The following NME7 variants were observed in gnomAD, a reference collection of about 807,000 sequenced individuals.
NME7 encodes nucleoside diphosphate kinase 7.
A neutral mutation model predicts 49.1 loss-of-function variants in NME7; 41 were observed. The ratio of observed to expected loss-of-function variants is 0.83; its 90% confidence interval spans 0.65 to 1.08. The LOEUF (loss-of-function observed/expected upper bound fraction) is 1.08, where lower values mean the gene tolerates loss of function less well. Among genes scored for constraint, NME7 ranks in the 50% least tolerant of loss-of-function variants. The pLI is 0.00. For missense variants in NME7, 423 were observed against 463.4 expected (o/e 0.91, Z 0.80); for synonymous variants, 139 against 150.6 (o/e 0.92, Z 0.56).
intron 7 of NME7, among the ~76,000 whole-genome samples, chr1:169,261,326 G>A (rs777003255): frequency 2.2e-5 from 3 of 133,590 alleles, no homozygotes; most frequent in Non-Finnish European, 5.3e-5. Flanking sequence ...ATGAAACTGG[G>A]TTTCATTCCA....
At chr1:169,282,908 A>T (rs962878493) in intron 7 of NME7, among the ~76,000 whole-genome samples, 1 of 152,198 alleles carries the variant, frequency 6.6e-6, no homozygotes, top group African/African-American at 2.4e-5. Context: ...GGTGCTGAGA[A>T]GAATGTATAT....
rs145153236 is a variant in NME7, at chr1:169,215,247, C to A, written c.990+15471G>T. Among the ~76,000 whole-genome samples the A allele has an allele frequency of 6.5e-3, 984 of 152,248 alleles. 15 individuals are homozygous for A. Among genetic ancestry groups the A allele is most frequent in the African/African-American group, 0.022 (923 of 41,540 alleles). Reference sequence around the variant, plus strand: ...CATCTCTGAAGTCAACTCACCTCTTCTAGATATCCAGCTGCTTCTCCCCTC... The same window carrying A: ...CATCTCTGAAGTCAACTCACCTCTTATAGATATCCAGCTGCTTCTCCCCTC... On this transcript the variant is annotated intron_variant, in intron 10 of 11. Transcript: ENST00000367811.
At chr1:169,169,696 A>G (rs2101844246) in intron 10 of NME7, 142 bp from the exon 11 acceptor site, 3 of 648,736 alleles carry the variant, frequency 4.6e-6, no homozygotes, top group South Asian at 4.2e-5. Context: ...CTGTGGCCCA[A>G]TGTAAAGTCT....
intron 11 of NME7, among the ~76,000 whole-genome samples, chr1:169,163,609 T>G (rs1659310667): frequency 6.6e-6 from 1 of 152,062 alleles, no homozygotes; most frequent in African/African-American, 2.4e-5. Context: ...AGTCTAAGGA[T>G]TAGATGGTAG....
At chr1:169,232,234 T>C (rs949595567) in intron 9 of NME7, among the ~76,000 whole-genome samples, 1 of 151,936 alleles carries the variant, frequency 6.6e-6, no homozygotes. Flanking sequence ...GAGCAATAAA[T>C]TTGAAGACAT....
At chr1:169,276,051 G>A (rs1329936583) in intron 7 of NME7, among the ~76,000 whole-genome samples, 1 of 133,526 alleles carries the variant, frequency 7.5e-6, no homozygotes, top group African/African-American at 2.5e-5. Flanking sequence ...TGATCATGGT[G>A]GATAAGCTTT....
rs1252443412 is a variant in NME7 at position 169,367,753 on chromosome 1, A to C, written c.-43T>G. The C allele has an allele frequency of 1.2e-6, 2 of 1,613,282 alleles. No homozygotes were observed. The highest frequency in any genetic ancestry group is 2.7e-5 in the African/African-American group (2 of 75,054). On this transcript the variant is annotated 5_prime_UTR_variant, in exon 1 of 12. Transcript: ENST00000367811. ...ACTAGAAAATAGGTATCGTTGAGAC[A>C]GGAAGACACCACCACCACCACCATC... is the stretch of plus-strand genomic sequence containing the variant.
At chr1:169,166,307 AAAAT>A in intron 11 of NME7, among the ~76,000 whole-genome samples, 1 of 152,252 alleles carries the variant, frequency 6.6e-6, no homozygotes, top group East Asian at 1.9e-4. Flanking sequence ...TGGTTATTAA[AAAAT>A]AAAGCTTGGT....
In NME7 at chr1:169,271,531, T is replaced by A. The variant is rs188339231; in HGVS notation, c.754+15772A>T. ...ATCAGACGACTGCATTGAAAGCTCT[T>A]AAACATCTCAAGGTTTTGCAATATC... On this transcript the variant is annotated intron_variant, in intron 7 of 11. Transcript: ENST00000367811. Among the ~76,000 whole-genome samples, 103 of 133,462 alleles carry A rather than the reference T, an allele frequency of 7.7e-4. 26 individuals carry two copies. The highest frequency in any genetic ancestry group is 1.3e-3 in the Admixed American group (18 of 13,462). 87.6% of individuals were successfully genotyped at this position (133,462 alleles called of 152,430 possible).
intron 7 of NME7, among the ~76,000 whole-genome samples, chr1:169,252,474 A>T (rs922176518): frequency 3.1e-4 from 47 of 151,890 alleles, no homozygotes; most frequent in Non-Finnish European, 6.0e-4. Flanking sequence ...CTTTGTCAGA[A>T]GAGTAGGTTG....
Position 169,305,626 on chromosome 1 carries a change from G to A in NME7, c.390-2431C>T, listed in dbSNP as rs1400840. 1.1e-3 allele frequency among the ~76,000 whole-genome samples: 160 copies of A among 152,278 alleles called. 2 individuals are homozygous for A. In the East Asian group the frequency reaches 0.028, roughly 27 times the overall value. ...AAGAAACCTTGAGGGATAAGGTAAAGCCTCTCTTCAGTATAAAGAGTAGGC... is the reference window on the plus strand; with the variant it reads ...AAGAAACCTTGAGGGATAAGGTAAAACCTCTCTTCAGTATAAAGAGTAGGC... On this transcript the variant is annotated intron_variant, in intron 4 of 11. Coordinates refer to ENST00000367811, the MANE Select transcript of NME7 (RefSeq NM_013330.5).
intron 1 of NME7, among the ~76,000 whole-genome samples, chr1:169,345,782 T>C (rs1221781617): frequency 6.6e-6 from 1 of 152,156 alleles, no homozygotes; most frequent in Admixed American, 6.6e-5. Flanking sequence ...TAGTTGCATA[T>C]ATCTATCCAA....
chr1:169,367,730 T>C lies in NME7; in HGVS notation c.-20A>G. 1 of 1,614,040 alleles carries C rather than the reference T, an allele frequency of 6.2e-7. No individual in the cohort carries two copies. The highest frequency in any genetic ancestry group is 8.5e-7 in the Non-Finnish European group (1 of 1,179,964). On this transcript the variant is annotated 5_prime_UTR_variant, in exon 1 of 12. Coordinates refer to ENST00000367811, the MANE Select transcript of NME7 (RefSeq NM_013330.5). The stretch of plus-strand genomic sequence containing the variant: ...CACCATTGTCTCAGGATCTCAGCAC[T>C]AGAAAATAGGTATCGTTGAGACAGG...
intron 11 of NME7, among the ~76,000 whole-genome samples, chr1:169,135,117 G>C (rs1658392971): frequency 6.6e-6 from 1 of 151,450 alleles, no homozygotes; most frequent in African/African-American, 2.4e-5. Context: ...TTGAGTCCAG[G>C]AGGTTCAAGT....
At chr1:169,139,907 C>G (rs777120149) in intron 11 of NME7, among the ~76,000 whole-genome samples, 4 of 152,158 alleles carry the variant, frequency 2.6e-5, no homozygotes, top group Non-Finnish European at 5.9e-5. Context: ...GGATCCTGAA[C>G]CAGAAACTAT....
chr1:169,177,618 C>T (rs1659791194), intron 10 of NME7, among the ~76,000 whole-genome samples: 1 of 152,030 alleles, frequency 6.6e-6, no homozygotes, highest in African/African-American at 2.4e-5. Flanking sequence ...AAGACCCTGT[C>T]TCTTAAAGAA....
At chr1:169,171,617 G>T (rs914172961) in intron 10 of NME7, among the ~76,000 whole-genome samples, 1 of 151,984 alleles carries the variant, frequency 6.6e-6, no homozygotes, top group Non-Finnish European at 1.5e-5. Context: ...ACAAAAATTA[G>T]CAGGGCATGG....
At chr1:169,363,013 G>A (rs1172389529) in intron 1 of NME7, among the ~76,000 whole-genome samples, 1 of 152,002 alleles carries the variant, frequency 6.6e-6, no homozygotes, top group Admixed American at 6.5e-5. Flanking sequence ...GCCAAGGTGG[G>A]AGGATCACTT....
chr1:169,284,895 A>T (rs919259061), intron 7 of NME7: 2 of 152,160 alleles, frequency 1.3e-5, no homozygotes, highest in African/African-American at 4.8e-5. Flanking sequence ...TCTCCTTGCA[A>T]CATATTTTTC....
Sources: gnomAD v4.1 joint callset for allele counts (sites outside exome capture counted in the v4.1 genomes callset) on GRCh38, gnomAD v4.1.1 for gene constraint, MANE v1.5 for transcripts, NCBI Gene and HGNC (gene_info 2026-07-23, HGNC 2026-07-21) for gene names.